The following MRPL47 variants were observed in gnomAD, a reference collection of about 807,000 sequenced individuals.
MRPL47 encodes the protein large ribosomal subunit protein uL29m.
In MRPL47, 31 loss-of-function variants were observed where a neutral mutation model predicts 34.0. That is an observed-to-expected ratio of 0.91 (90% CI 0.68 to 1.23). The LOEUF is 1.23. MRPL47 is among the 50% of genes most tolerant of loss of function. MRPL47 has a pLI of 0.00. For synonymous variants in MRPL47, 106 were observed against 101.6 expected, an observed-to-expected ratio of 1.04 and a Z score of -0.26; for missense variants, 328 against 285.8, an observed-to-expected ratio of 1.15 and a Z score of -1.07.
At chr3:179,598,891 G>T (rs552847245) in intron 3 of MRPL47, 120 bp from the exon 4 acceptor site, 2 of 662,070 alleles carry the variant, frequency 3.0e-6, no homozygotes, top group East Asian at 3.2e-5. Context: ...AGGTGCTGTG[G>T]CTCACACCTG....
At chr3:179,600,681 C>T (rs1325867036) in intron 3 of MRPL47, among the ~76,000 whole-genome samples, 1 of 151,960 alleles carries the variant, frequency 6.6e-6, no homozygotes, top group Non-Finnish European at 1.5e-5. Context: ...CTACTAGAGT[C>T]CCTAGGCAGA....
intron 6 of MRPL47, among the ~76,000 whole-genome samples, chr3:179,589,774 G>C (rs553866575): frequency 2.6e-5 from 4 of 152,196 alleles, no homozygotes; most frequent in African/African-American, 9.6e-5. Flanking sequence ...TAAAAAATAT[G>C]CACATATATA....
chr3:179,600,364 G>C (rs902464669), intron 3 of MRPL47, among the ~76,000 whole-genome samples: 1 of 151,950 alleles, frequency 6.6e-6, no homozygotes, highest in Non-Finnish European at 1.5e-5. Context: ...ATGTTGGCTG[G>C]GCACGGTGGC....
At position 179,602,744 on chromosome 3, in the gene MRPL47, T is replaced by C. The variant is rs755474976; in HGVS notation, c.152A>G (p.Gln51Arg). 2.5e-6 allele frequency: 4 copies of C among 1,612,208 alleles called. No homozygotes were observed. The African/African-American group carries it at 5.3e-5, about 22-fold the overall frequency. ...KSTPNVTSFHQYRLLHTTLSR... is the reference protein window; with the variant it reads ...KSTPNVTSFHRYRLLHTTLSR... ...CAATGTGGTATGAAGTAATCTATAT[T>C]GGTGAAAGGATGTCACATTTGGTGT... is the stretch of plus-strand genomic sequence containing the variant. The change falls in exon 2 of 7, where the codon CAA (glutamine) becomes CGA (arginine). Residue 51 changes from glutamine (Q) to arginine (R), a missense_variant. Physicochemically the swap from Gln to Arg is conservative, Grantham distance 43. Coordinates refer to ENST00000476781, the MANE Select transcript of MRPL47 (RefSeq NM_020409.3).
chr3:179,599,775 G>A (rs1292266301), intron 3 of MRPL47, among the ~76,000 whole-genome samples: 1 of 152,164 alleles, frequency 6.6e-6, no homozygotes, highest in East Asian at 1.9e-4. Flanking sequence ...CATAATCAAA[G>A]GTACTGAAGC....
intron 6 of MRPL47, among the ~76,000 whole-genome samples, chr3:179,589,367 A>G (rs1038025743): frequency 5.3e-5 from 8 of 152,236 alleles, no homozygotes; most frequent in South Asian, 2.1e-4. Flanking sequence ...GGGAATTCCC[A>G]TAAGTCTCAG....
intron 5 of MRPL47, among the ~76,000 whole-genome samples, chr3:179,593,274 C>G (rs893534434): frequency 6.6e-6 from 1 of 152,184 alleles, no homozygotes; most frequent in Non-Finnish European, 1.5e-5. Context: ...TGCCCTAGGG[C>G]TTATCCTGAT....
intron 4 of MRPL47, among the ~76,000 whole-genome samples, chr3:179,597,979 T>G (rs4855096): frequency 0.43 from 65,760 of 152,100 alleles, 16,675 homozygotes; most frequent in East Asian, 0.64. Context: ...AAGGAAATGG[T>G]TAAACCAGAA....
chr3:179,602,528 A>C (rs1718949168), intron 2 of MRPL47, 124 bp downstream of exon 2: 2 of 583,946 alleles, frequency 3.4e-6, no homozygotes, highest in Non-Finnish European at 5.9e-6. Flanking sequence ...TCTCAAAGAA[A>C]ACTGAAAAAG....
chr3:179,598,679 T>A lies in MRPL47; in HGVS notation c.398A>T (p.Asp133Val), dbSNP rs1718852336. The A allele has an allele frequency of 6.2e-7, 1 of 1,607,754 alleles. No homozygotes were observed. Among genetic ancestry groups the A allele is most frequent in the South Asian group, 1.1e-5 (1 of 90,986 alleles). The change falls in exon 4 of 7, where the codon GAT becomes GTT. Residue 133 changes from aspartate (D) to valine (V), a missense_variant. By Grantham distance (152) the Asp-to-Val change is radical. Coordinates refer to ENST00000476781, the MANE Select transcript of MRPL47 (RefSeq NM_020409.3). The stretch of plus-strand genomic sequence containing the variant: ...CCAGCCTCTCCCAATCCTTACCTTA[T>A]CTAACCGCTCTGGACTTGGCATTGG... ...RLPMPSPERLDKVVDSMDALD... is the reference protein window; with the variant it reads ...RLPMPSPERLVKVVDSMDALD...
At chr3:179,601,657 AGATT>A in intron 3 of MRPL47, 69 bp downstream of exon 3, 1 of 884,158 alleles carries the variant, frequency 1.1e-6, no homozygotes, top group Non-Finnish European at 1.9e-6. Context: ...TATATCAGAT[AGATT>A]GTTTTCACCT....
intron 5 of MRPL47, 114 bp downstream of exon 5, chr3:179,593,651 T>G: frequency 1.1e-6 from 1 of 895,658 alleles, no homozygotes. Context: ...TTATTAGACA[T>G]ATCTCTAATA....
intron 2 of MRPL47, among the ~76,000 whole-genome samples, chr3:179,602,314 A>C (rs1260107126): frequency 6.6e-6 from 1 of 152,204 alleles, no homozygotes; most frequent in African/African-American, 2.4e-5. Context: ...ACTGCACCCC[A>C]GTCTGGGCAA....
intron 2 of MRPL47, 52 bp downstream of exon 2, chr3:179,602,598 CGG>C (rs371595016): frequency 0.011 from 6,516 of 569,232 alleles, 9 homozygotes; most frequent in Middle Eastern, 0.024. Flanking sequence ...TTGGGCGGGG[CGG>C]GGGGGGGGGT....
intron 6 of MRPL47, among the ~76,000 whole-genome samples, chr3:179,592,257 C>T (rs1576865589): frequency 6.6e-6 from 1 of 152,148 alleles, no homozygotes; most frequent in African/African-American, 2.4e-5. Flanking sequence ...TGCAGTGGCG[C>T]GATCTCTGCT....
intron 4 of MRPL47, among the ~76,000 whole-genome samples, chr3:179,595,192 T>C (rs962304187): frequency 1.3e-5 from 2 of 152,078 alleles, no homozygotes; most frequent in African/African-American, 4.8e-5. Flanking sequence ...ACTACAGGCA[T>C]GCACCACCAC....
At chr3:179,600,988 T>C (rs1176464498) in intron 3 of MRPL47, among the ~76,000 whole-genome samples, 1 of 152,232 alleles carries the variant, frequency 6.6e-6, no homozygotes, top group Non-Finnish European at 1.5e-5. Context: ...CTCTCAACCC[T>C]AATTCATCAG....
At chr3:179,595,086 G>C (rs1277843379) in intron 4 of MRPL47, among the ~76,000 whole-genome samples, 3 of 151,896 alleles carry the variant, frequency 2.0e-5, no homozygotes, top group African/African-American at 7.3e-5. Context: ...AGCTCTGTCA[G>C]CCAGGCTGGA....
chr3:179,590,168 GTC>G (rs1319130004), intron 6 of MRPL47, among the ~76,000 whole-genome samples: 1 of 152,062 alleles, frequency 6.6e-6, no homozygotes, highest in African/African-American at 2.4e-5. Context: ...GTGAAACCCT[GTC>G]TCTGCTAAGA....
Sources: gnomAD v4.1 joint callset for allele counts (sites outside exome capture counted in the v4.1 genomes callset) on GRCh38, gnomAD v4.1.1 for gene constraint, MANE v1.5 for transcripts, NCBI Gene and HGNC (gene_info 2026-07-23, HGNC 2026-07-21) for gene names.